SNTG2: variants seen among roughly 807,000 people sequenced by gnomAD.
SNTG2 encodes the protein syntrophin gamma 2, also known as gamma-2-syntrophin.
A neutral mutation model predicts 70.9 loss-of-function variants in SNTG2; 74 were observed. The observed-to-expected ratio is 1.04, with a 90% CI of 0.86 to 1.27. The LOEUF (loss-of-function observed/expected upper bound fraction) is 1.27, where lower values mean the gene tolerates loss of function less well. SNTG2 is among the 50% of genes most tolerant of loss of function. The pLI, the probability that SNTG2 is intolerant of heterozygous loss-of-function variation, is 0.00. For synonymous variants in SNTG2, 278 were observed against 273.8 expected (o/e 1.02, Z -0.15); for missense variants, 717 against 690.7 (o/e 1.04, Z -0.43).
At chr2:1,346,556 A>T (rs1327203119) in intron 16 of SNTG2, 1 of 152,378 alleles carries the variant, frequency 6.6e-6, no homozygotes, top group African/African-American at 2.4e-5. Flanking sequence ...CGCGGGCTTC[A>T]GCATTCACAA....
intron 4 of SNTG2, among the ~76,000 whole-genome samples, chr2:1,126,218 A>G (rs1667691047): frequency 1.3e-5 from 2 of 152,270 alleles, no homozygotes; most frequent in Admixed American, 1.3e-4. Flanking sequence ...GCTTCCGCAT[A>G]TGAGTGAGAA....
intron 8 of SNTG2, among the ~76,000 whole-genome samples, chr2:1,179,291 G>A (rs1262348790): frequency 6.6e-6 from 1 of 151,994 alleles, no homozygotes; most frequent in Non-Finnish European, 1.5e-5. Flanking sequence ...GGTTTTTTGT[G>A]TCTCTATTTC....
rs1189580364 is a variant in SNTG2, at chr2:1,239,603, T to C, written c.850-135T>C. On this transcript the variant is annotated intron_variant, in intron 10 of 16. Transcript: ENST00000308624. Reference sequence around the variant, plus strand: ...TGTTTGTATTGACTCTGGCTAGGTCTTCAGATAGGAAATATGTCATTAAAG... The same window carrying C: ...TGTTTGTATTGACTCTGGCTAGGTCCTCAGATAGGAAATATGTCATTAAAG... 4 of 853,044 alleles carry C rather than the reference T, an allele frequency of 4.7e-6. No individual in the cohort carries two copies. The Admixed American group carries it at 7.6e-5, about 16-fold the overall frequency. The allele number at this position is 853,044 out of a possible 1,614,324, so 52.8% of individuals were successfully genotyped here.
chr2:1,088,550 G>C (rs957082100), intron 2 of SNTG2, among the ~76,000 whole-genome samples: 1 of 152,214 alleles, frequency 6.6e-6, no homozygotes, highest in African/African-American at 2.4e-5. Flanking sequence ...ATGGAATACT[G>C]CATAAGAAGA....
chr2:1,054,936 G>GTTTTGTTTTTGT (rs113103411), intron 1 of SNTG2, among the ~76,000 whole-genome samples: 8 of 149,848 alleles, frequency 5.3e-5, no homozygotes, highest in African/African-American at 4.9e-5. Context: ...GGCTTTTTTT[G>GTTTTGTTTTTGT]TTTTGTTTTT....
intron 6 of SNTG2, chr2:1,160,006 G>A (rs1055549524): frequency 6.6e-6 from 1 of 152,156 alleles, no homozygotes; most frequent in Non-Finnish European, 1.5e-5. Flanking sequence ...AGAAATACAT[G>A]AATAATATGG....
At chr2:1,136,890 C>G (rs1382110984) in intron 4 of SNTG2, among the ~76,000 whole-genome samples, 1 of 152,136 alleles carries the variant, frequency 6.6e-6, no homozygotes, top group Non-Finnish European at 1.5e-5. Context: ...TTGTTTTGAT[C>G]AGAGCCGTCT....
intron 14 of SNTG2, among the ~76,000 whole-genome samples, chr2:1,268,813 T>C (rs1349984994): frequency 6.6e-6 from 1 of 152,228 alleles, no homozygotes; most frequent in African/African-American, 2.4e-5. Context: ...AGGTGACCTT[T>C]CTGCTTGTTT....
At chr2:1,057,036 T>C (rs1662506803) in intron 1 of SNTG2, among the ~76,000 whole-genome samples, 1 of 151,570 alleles carries the variant, frequency 6.6e-6, no homozygotes, top group South Asian at 2.1e-4. Flanking sequence ...CGGGGAACGA[T>C]GCATGCCGCT....
At chr2:1,346,598 A>T (rs943119349) in intron 16 of SNTG2, 3 of 152,288 alleles carry the variant, frequency 2.0e-5, no homozygotes, top group African/African-American at 7.2e-5. Flanking sequence ...GGCAACAGGA[A>T]ATCGAATGCT....
intron 1 of SNTG2, among the ~76,000 whole-genome samples, chr2:1,041,844 C>G (rs1225880990): frequency 2.6e-5 from 4 of 152,160 alleles, no homozygotes; most frequent in Admixed American, 1.3e-4. Flanking sequence ...ACACACTAGC[C>G]GTCAGCAATA....
chr2:1,278,725 G>GT (rs1310064635), intron 14 of SNTG2, among the ~76,000 whole-genome samples: 2 of 152,294 alleles, frequency 1.3e-5, no homozygotes, highest in East Asian at 3.9e-4. Flanking sequence ...TGTAAAGCCT[G>GT]TTTATGTAAG....
At chr2:986,773 C>T (rs1661337880) in intron 1 of SNTG2, among the ~76,000 whole-genome samples, 1 of 152,158 alleles carries the variant, frequency 6.6e-6, no homozygotes, top group Non-Finnish European at 1.5e-5. Flanking sequence ...CTAATCAAAG[C>T]ACAGATTGTG....
At chr2:1,135,015 C>T (rs997072885) in intron 4 of SNTG2, among the ~76,000 whole-genome samples, 11 of 152,212 alleles carry the variant, frequency 7.2e-5, no homozygotes, top group Admixed American at 2.6e-4. Flanking sequence ...TCATCGTCAT[C>T]TCATTAAACC....
intron 14 of SNTG2, among the ~76,000 whole-genome samples, chr2:1,306,204 A>T (rs184522084): frequency 7.4e-4 from 113 of 152,238 alleles, no homozygotes; most frequent in African/African-American, 2.6e-3. Context: ...TCGGACTCTC[A>T]TCGCCAATGC....
At chr2:1,301,081 G>C (rs1324760427) in intron 14 of SNTG2, among the ~76,000 whole-genome samples, 1 of 152,036 alleles carries the variant, frequency 6.6e-6, no homozygotes, top group Non-Finnish European at 1.5e-5. Flanking sequence ...CTTTAGACCT[G>C]CCGAGCTCTC....
rs1242829771 is a variant in SNTG2 at position 1,072,332 on chromosome 2, C to CTT, written c.73-11183_73-11182dup. On this transcript the variant is annotated intron_variant, in intron 1 of 16. Transcript: ENST00000308624. ...AGCCAGTGATTTTCTTTTTCTTTTT[C>CTT]TTTTCTTTTTCTTTTTCTTTTTTTT... Among the ~76,000 whole-genome samples, 139 of 100,330 alleles carry CTT rather than the reference C, an allele frequency of 1.4e-3. 2 individuals are homozygous for CTT. Among genetic ancestry groups the CTT allele is most frequent in the Middle Eastern group, 6.4e-3 (1 of 156 alleles). The allele number at this position is 100,330 out of a possible 152,430, so 65.8% of individuals were successfully genotyped here.
chr2:963,258 A>G (rs899780174), intron 1 of SNTG2, among the ~76,000 whole-genome samples: 1 of 152,184 alleles, frequency 6.6e-6, no homozygotes, highest in African/African-American at 2.4e-5. Flanking sequence ...TATGCTACGT[A>G]AAAATTGAAA....
intron 15 of SNTG2, among the ~76,000 whole-genome samples, chr2:1,314,902 A>G (rs1336455862): frequency 6.6e-6 from 1 of 152,200 alleles, no homozygotes; most frequent in Non-Finnish European, 1.5e-5. Context: ...AGTCACTGTC[A>G]CGAGAACAGC....
Sources: allele counts gnomAD v4.1 joint callset (sites outside exome capture counted in the v4.1 genomes callset), GRCh38; gene constraint gnomAD v4.1.1; transcripts MANE v1.5; gene names NCBI Gene and HGNC (gene_info 2026-07-23, HGNC 2026-07-21).